CSMD1: variants seen among roughly 807,000 people sequenced by gnomAD.
CSMD1 encodes the protein CUB and Sushi multiple domains 1.
In CSMD1, 213 loss-of-function variants were observed where a neutral mutation model predicts 417.5. The ratio of observed to expected loss-of-function variants is 0.51; its 90% CI spans 0.46 to 0.57. The LOEUF (loss-of-function observed/expected upper bound fraction) is 0.57. Among genes scored for constraint, CSMD1 ranks in the 20% least tolerant of loss-of-function variants. The probability of loss-of-function intolerance (pLI) is 0.00; values close to 1 mark genes in which losing one functional copy is unlikely to be tolerated. For missense variants in CSMD1, 6,923 were observed against 4,529.7 expected (o/e 1.53, Z -15.17); for synonymous variants, 2,862 against 1,736.8 (o/e 1.65, Z -16.11).
rs555559789 is a variant in CSMD1, at chr8:4,122,415, G to A, written c.416-90316C>T. ...ACACCAACATGATCCCATTAAATAT[G>A]AACAACAAACCTCTGACGCAGTTAG... is the stretch of plus-strand genomic sequence containing the variant. On this transcript the variant is annotated intron_variant, in intron 3 of 69. Transcript: ENST00000635120. Among the ~76,000 whole-genome samples the A allele has an allele frequency of 3.5e-3, 540 of 152,256 alleles. 3 individuals are homozygous for A. Among genetic ancestry groups the A allele is most frequent in the Non-Finnish European group, 5.4e-3 (366 of 68,034 alleles).
intron 1 of CSMD1, among the ~76,000 whole-genome samples, chr8:4,680,910 C>T (rs1805998698): frequency 7.7e-6 from 1 of 130,130 alleles, no homozygotes; most frequent in Non-Finnish European, 1.6e-5. Flanking sequence ...ATATGATAAG[C>T]ACACACACAC....
chr8:4,600,073 T>C (rs1009474559), intron 2 of CSMD1, among the ~76,000 whole-genome samples: 2 of 152,200 alleles, frequency 1.3e-5, no homozygotes, highest in Non-Finnish European at 2.9e-5. Flanking sequence ...TTCCCTTTTA[T>C]ACTGTGGAGT....
chr8:3,732,625 C>G (rs943920136), intron 6 of CSMD1, among the ~76,000 whole-genome samples: 1 of 152,126 alleles, frequency 6.6e-6, no homozygotes, highest in Non-Finnish European at 1.5e-5. Context: ...GCCTTTAAGA[C>G]CTTTTTGGTT....
intron 16 of CSMD1, 113 bp downstream of exon 16, chr8:3,399,278 C>T: frequency 3.2e-6 from 3 of 935,970 alleles, no homozygotes; most frequent in Non-Finnish European, 3.2e-6. Flanking sequence ...AAGTGTGCTC[C>T]TATGCGGGAA....
chr8:4,007,528 C>G (rs534085034), intron 4 of CSMD1, among the ~76,000 whole-genome samples: 2 of 152,256 alleles, frequency 1.3e-5, no homozygotes, highest in African/African-American at 4.8e-5. Flanking sequence ...TAGCACTCAC[C>G]TAGATTGCTT....
At position 4,423,400 on chromosome 8, in the gene CSMD1, G is replaced by C. The variant is rs532919874; in HGVS notation, c.303-3335C>G. On this transcript the variant is annotated intron_variant, in intron 2 of 69. Coordinates refer to ENST00000635120, the MANE Select transcript of CSMD1 (RefSeq NM_033225.6). ...AATGAACATACAAAAATCTATTGTA[G>C]TTCTACATACTAGCAATGAACACGT... 3.3e-5 allele frequency among the ~76,000 whole-genome samples: 5 copies of C among 151,762 alleles called. No individual in the cohort carries two copies. In the East Asian group the frequency reaches 7.7e-4, roughly 23 times the overall value.
intron 23 of CSMD1, among the ~76,000 whole-genome samples, chr8:3,325,573 C>T (rs1271667315): frequency 6.6e-6 from 1 of 152,174 alleles, no homozygotes; most frequent in East Asian, 1.9e-4. Flanking sequence ...CCTGTAATCC[C>T]AGCACTTTGG....
At chr8:4,719,881 G>A (rs1808939122) in intron 1 of CSMD1, among the ~76,000 whole-genome samples, 1 of 151,970 alleles carries the variant, frequency 6.6e-6, no homozygotes, top group South Asian at 2.1e-4. Context: ...CCCTATGCAG[G>A]GCTCACATAT....
At chr8:4,646,284 C>A (rs960127782) in intron 1 of CSMD1, among the ~76,000 whole-genome samples, 1 of 152,066 alleles carries the variant, frequency 6.6e-6, no homozygotes, top group African/African-American at 2.4e-5. Flanking sequence ...ATTTATTTAT[C>A]TCTTAATGAA....
intron 1 of CSMD1, among the ~76,000 whole-genome samples, chr8:4,956,835 C>T (rs901922995): frequency 1.3e-5 from 2 of 152,156 alleles, no homozygotes; most frequent in African/African-American, 4.8e-5. Context: ...TTCCACGCAC[C>T]TCCTGCAGAA....
rs536775902 is a variant in CSMD1, at chr8:4,673,985, C to T, written c.86-36427G>A. ...CCTCTGTGAATATATTAAAAACCAT[C>T]GAATTGTGCACTATACAGAGGCAAA... On this transcript the variant is annotated intron_variant, in intron 1 of 69. Transcript: ENST00000635120. Among the ~76,000 whole-genome samples, 96 of 152,214 alleles carry T rather than the reference C, an allele frequency of 6.3e-4. No individual in the cohort carries two copies. In the South Asian group the frequency reaches 0.018, roughly 29 times the overall value.
At chr8:3,165,632 C>T (rs1432429087) in intron 37 of CSMD1, among the ~76,000 whole-genome samples, 1 of 151,884 alleles carries the variant, frequency 6.6e-6, no homozygotes, top group Non-Finnish European at 1.5e-5. Context: ...CGGGGTTTCA[C>T]CATGTTAGCC....
chr8:3,982,259 G>A (rs182404788), intron 5 of CSMD1, among the ~76,000 whole-genome samples: 1 of 151,130 alleles, frequency 6.6e-6, no homozygotes, highest in African/African-American at 2.4e-5. Flanking sequence ...ACTTAAGAAT[G>A]CTGGGATTTA....
chr8:4,903,767 G>A (rs573600482), intron 1 of CSMD1, among the ~76,000 whole-genome samples: 1 of 152,284 alleles, frequency 6.6e-6, no homozygotes, highest in East Asian at 1.9e-4. Context: ...GAGAGGAGAA[G>A]GACCTGGAGT....
intron 51 of CSMD1, 52 bp from the exon 52 acceptor site, chr8:3,018,702 C>T (rs1809086180): frequency 3.4e-6 from 5 of 1,490,022 alleles, no homozygotes; most frequent in Non-Finnish European, 4.6e-6. Flanking sequence ...CAGATTACTC[C>T]TGTGCTCCAA....
At chr8:3,316,282 T>C (rs1313991203) in intron 23 of CSMD1, among the ~76,000 whole-genome samples, 1 of 152,184 alleles carries the variant, frequency 6.6e-6, no homozygotes, top group African/African-American at 2.4e-5. Context: ...ATATGTGTAA[T>C]AATTACTTGC....
intron 3 of CSMD1, among the ~76,000 whole-genome samples, chr8:4,068,608 T>C (rs969332905): frequency 6.6e-6 from 1 of 152,078 alleles, no homozygotes; most frequent in Admixed American, 6.6e-5. Context: ...AGAAAACATA[T>C]CTAGTTCATA....
At chr8:4,707,189 T>G (rs1269445482) in intron 1 of CSMD1, among the ~76,000 whole-genome samples, 1 of 152,230 alleles carries the variant, frequency 6.6e-6, no homozygotes, top group Non-Finnish European at 1.5e-5. Flanking sequence ...GAATAGTTAT[T>G]GCACTCTAGA....
At chr8:3,121,007 G>A (rs1290210536) in intron 41 of CSMD1, among the ~76,000 whole-genome samples, 1 of 151,960 alleles carries the variant, frequency 6.6e-6, no homozygotes, top group Non-Finnish European at 1.5e-5. Flanking sequence ...TCTCTATTAT[G>A]AGCATAATTT....
Sources: gnomAD v4.1 joint callset for allele counts (sites outside exome capture counted in the v4.1 genomes callset) on GRCh38, gnomAD v4.1.1 for gene constraint, MANE v1.5 for transcripts, NCBI Gene and HGNC (gene_info 2026-07-23, HGNC 2026-07-21) for gene names.